Variants in CACHD1 observed in about 807,000 individuals in gnomAD.
The protein encoded by CACHD1 is cache domain containing 1, also known as VWFA and cache domain-containing protein 1.
A neutral mutation model predicts 138.7 loss-of-function variants in CACHD1; 71 were observed. The ratio of observed to expected loss-of-function variants is 0.51; its 90% CI spans 0.42 to 0.62. The LOEUF is 0.62. Ranked by LOEUF, CACHD1 falls within the 20% of genes least tolerant of loss-of-function variation. The probability of loss-of-function intolerance (pLI) is 0.00; values close to 1 mark genes in which losing one functional copy is unlikely to be tolerated. For missense variants in CACHD1, 1,389 were observed against 1,625.3 expected (o/e 0.85, Z 2.50); for synonymous variants, 578 against 591.5 (o/e 0.98, Z 0.33).
intron 1 of CACHD1, among the ~76,000 whole-genome samples, chr1:64,506,930 C>A (rs1231485623): frequency 6.6e-6 from 1 of 152,152 alleles, no homozygotes; most frequent in Admixed American, 6.5e-5. Context: ...TGATTGAAAA[C>A]CTTTGGTAGA....
intron 1 of CACHD1, among the ~76,000 whole-genome samples, chr1:64,531,750 C>CCAG (rs1646588686): frequency 6.6e-6 from 1 of 152,190 alleles, no homozygotes; most frequent in African/African-American, 2.4e-5. Flanking sequence ...GTTTGCTATA[C>CCAG]CAGCACAGGC....
At chr1:64,475,926 C>T (rs7517824) in intron 1 of CACHD1, among the ~76,000 whole-genome samples, 90,361 of 152,024 alleles carry the variant, frequency 0.59, 29,922 homozygotes, top group East Asian at 0.74. Flanking sequence ...AGGTGGTTAG[C>T]GAGAGACATA....
rs1354877478 is a variant in CACHD1, at chr1:64,470,519, C to T, written c.-226C>T. On this transcript the variant is annotated 5_prime_UTR_variant, in exon 1 of 27. Coordinates refer to ENST00000651257, the MANE Select transcript of CACHD1 (RefSeq NM_020925.4). The surrounding 1 kb of genome is among the most constrained non-coding windows in gnomAD (Gnocchi z 5.2). The stretch of plus-strand genomic sequence containing the variant: ...GCTCCGGGGACCGCTCGGGCGGCCG[C>T]CTCCTACCCCCACCGCCGCGGAGCC... Among the ~76,000 whole-genome samples the T allele has an allele frequency of 6.6e-6, 1 of 151,570 alleles. No homozygotes were observed. The highest frequency in any genetic ancestry group is 2.4e-5 in the African/African-American group (1 of 41,358).
At chr1:64,567,733 C>T (rs1257869102) in intron 2 of CACHD1, among the ~76,000 whole-genome samples, 4 of 152,138 alleles carry the variant, frequency 2.6e-5, no homozygotes, top group South Asian at 2.1e-4. Flanking sequence ...TTCATCTGTA[C>T]GTTTTCAATT....
chr1:64,603,982 T>C (rs1647266380), intron 4 of CACHD1, among the ~76,000 whole-genome samples: 1 of 152,212 alleles, frequency 6.6e-6, no homozygotes, highest in African/African-American at 2.4e-5. Flanking sequence ...ACTTTCCTTA[T>C]TGCTGGAAAG....
At chr1:64,604,243 A>T (rs1647272824) in intron 4 of CACHD1, among the ~76,000 whole-genome samples, 1 of 152,234 alleles carries the variant, frequency 6.6e-6, no homozygotes, top group Non-Finnish European at 1.5e-5. Flanking sequence ...TAGATAAATG[A>T]TCCAACCTAA....
At chr1:64,588,773 T>C (rs923740662) in intron 3 of CACHD1, among the ~76,000 whole-genome samples, 3 of 152,150 alleles carry the variant, frequency 2.0e-5, no homozygotes, top group African/African-American at 7.2e-5. Flanking sequence ...GGTATTCTTA[T>C]TTTTTTAATT....
At chr1:64,602,535 G>A (rs1282831135) in intron 3 of CACHD1, among the ~76,000 whole-genome samples, 1 of 127,630 alleles carries the variant, frequency 7.8e-6, no homozygotes, top group Non-Finnish European at 1.7e-5. Flanking sequence ...GATTTTATCA[G>A]TAGTACTGAC....
intron 4 of CACHD1, among the ~76,000 whole-genome samples, chr1:64,615,430 C>G (rs1328862664): frequency 1.3e-5 from 2 of 152,218 alleles, no homozygotes; most frequent in African/African-American, 4.8e-5. Flanking sequence ...TCAGCTATGA[C>G]TCTTTATGAC....
chr1:64,649,104 G>C (rs921936000), intron 9 of CACHD1, among the ~76,000 whole-genome samples: 1 of 152,090 alleles, frequency 6.6e-6, no homozygotes, highest in Non-Finnish European at 1.5e-5. Flanking sequence ...TAAAACTCAC[G>C]TGTAAAAAGT....
At chr1:64,484,496 T>C (rs1298714697) in intron 1 of CACHD1, among the ~76,000 whole-genome samples, 1 of 152,200 alleles carries the variant, frequency 6.6e-6, no homozygotes, top group African/African-American at 2.4e-5. Context: ...TATTTCCCAG[T>C]AGCTCTTTTA....
chr1:64,663,593 G>A, intron 13 of CACHD1, 102 bp from the exon 14 acceptor site: 3 of 1,263,578 alleles, frequency 2.4e-6, no homozygotes, highest in South Asian at 3.0e-5. Flanking sequence ...AAGACATTAA[G>A]CCACCATAGC....
In CACHD1 at chr1:64,691,299, GTGTT is replaced by G; in HGVS notation, c.3587-18_3587-15del. On this transcript the variant is annotated intron_variant, in intron 26 of 26. Coordinates refer to ENST00000651257, the MANE Select transcript of CACHD1 (RefSeq NM_020925.4). ...TCTGCGTCTTGAAGCTCTCAGCTGT[GTGTT>G]TGTTTTGTTCTTTTTCTAGGTTACA... 1 of 1,605,354 alleles carries G rather than the reference GTGTT, an allele frequency of 6.2e-7. No individual in the cohort carries two copies. The highest frequency in any genetic ancestry group is 8.5e-7 in the Non-Finnish European group (1 of 1,172,196).
intron 2 of CACHD1, among the ~76,000 whole-genome samples, chr1:64,576,904 TTTG>T (rs1335056262): frequency 1.1e-4 from 12 of 108,340 alleles, no homozygotes; most frequent in Admixed American, 8.7e-4. Context: ...GGTTTGTTTG[TTTG>T]TTTTTTTTTT....
chr1:64,474,870 A>G (rs1646165402), intron 1 of CACHD1, among the ~76,000 whole-genome samples: 1 of 152,240 alleles, frequency 6.6e-6, no homozygotes, highest in South Asian at 2.1e-4. Flanking sequence ...CACACTTACT[A>G]TGAACTTGGC....
intron 1 of CACHD1, among the ~76,000 whole-genome samples, chr1:64,534,232 C>CA: frequency 6.6e-6 from 1 of 152,012 alleles, no homozygotes; most frequent in East Asian, 1.9e-4. Flanking sequence ...TTAGTAGAAA[C>CA]AGAGTTTCAC....
chr1:64,515,790 A>G (rs1646454391), intron 1 of CACHD1, among the ~76,000 whole-genome samples: 1 of 152,158 alleles, frequency 6.6e-6, no homozygotes, highest in African/African-American at 2.4e-5. Context: ...TTAAACTAAC[A>G]TGCTAATCTT....
At chr1:64,664,709 G>T in intron 15 of CACHD1, 30 bp downstream of exon 15, 1 of 1,602,638 alleles carries the variant, frequency 6.2e-7, no homozygotes. Flanking sequence ...GTTATCAAAG[G>T]TTCTCCCCCA....
At chr1:64,502,677 G>T (rs985425988) in intron 1 of CACHD1, among the ~76,000 whole-genome samples, 2 of 125,836 alleles carry the variant, frequency 1.6e-5, no homozygotes, top group African/African-American at 9.6e-5. Flanking sequence ...AGGTTAAAAA[G>T]GAAAATACCA....
Sources: gnomAD v4.1 joint callset for allele counts (sites outside exome capture counted in the v4.1 genomes callset) on GRCh38, gnomAD v4.1.1 for gene constraint, Gnocchi (gnomAD v3.1) non-coding constraint, MANE v1.5 for transcripts, NCBI Gene and HGNC (gene_info 2026-07-23, HGNC 2026-07-21) for gene names.